The following KIRREL3 variants were observed in gnomAD, a reference collection of about 807,000 sequenced individuals.
The protein encoded by KIRREL3 is kirre like nephrin family adhesion molecule 3.
A neutral mutation model predicts 89.7 loss-of-function variants in KIRREL3; 36 were observed. The observed-to-expected ratio is 0.40, with a 90% CI of 0.31 to 0.53. The LOEUF is 0.53. Ranked by LOEUF, KIRREL3 falls within the 20% of genes least tolerant of loss-of-function variation. The pLI is 0.49. For synonymous variants in KIRREL3, 445 were observed against 441.4 expected, an observed-to-expected ratio of 1.01 and a Z score of -0.10; for missense variants, 864 against 1,056.6, an observed-to-expected ratio of 0.82 and a Z score of 2.53.
At chr11:126,919,387 T>C (rs1365921490) in intron 1 of KIRREL3, among the ~76,000 whole-genome samples, 1 of 152,218 alleles carries the variant, frequency 6.6e-6, no homozygotes, top group African/African-American at 2.4e-5. Flanking sequence ...TAAAGTAGCA[T>C]GGTTGGCTCA....
At chr11:126,602,129 C>T (rs571931037) in intron 1 of KIRREL3, among the ~76,000 whole-genome samples, 96 of 152,274 alleles carry the variant, frequency 6.3e-4, no homozygotes, top group Non-Finnish European at 5.1e-4. Context: ...TCCCCAGGAG[C>T]GGTGGCAAAG....
At chr11:126,784,191 T>A (rs1441729427) in intron 1 of KIRREL3, among the ~76,000 whole-genome samples, 1 of 152,186 alleles carries the variant, frequency 6.6e-6, no homozygotes, top group Non-Finnish European at 1.5e-5. Context: ...GGATATTATG[T>A]AAAAACTAAG....
At chr11:126,493,615 AC>A (rs981156448) in intron 4 of KIRREL3, among the ~76,000 whole-genome samples, 2 of 137,572 alleles carry the variant, frequency 1.5e-5, no homozygotes, top group Non-Finnish European at 3.0e-5. Flanking sequence ...AGATCGCGCC[AC>A]CGCACTCCAG....
intron 1 of KIRREL3, among the ~76,000 whole-genome samples, chr11:126,738,141 T>G (rs1239115843): frequency 6.6e-6 from 1 of 152,142 alleles, no homozygotes; most frequent in African/African-American, 2.4e-5. Context: ...GACCTTCCGA[T>G]ATGCCAGCTG....
At chr11:126,654,496 G>C (rs1323432339) in intron 1 of KIRREL3, among the ~76,000 whole-genome samples, 1 of 152,154 alleles carries the variant, frequency 6.6e-6, no homozygotes, top group Non-Finnish European at 1.5e-5. Flanking sequence ...CTCTAAGAAA[G>C]GGGTTTCCAT....
rs1160107418 is a variant in KIRREL3 at position 126,571,736 on chromosome 11, C to T, written c.56-8824G>A. ...TCATGAATGAGATTCTTTGGACTTCCAGTATAATCCGTTTGTGAGAGGGGT... is the reference window on the plus strand; with the variant it reads ...TCATGAATGAGATTCTTTGGACTTCTAGTATAATCCGTTTGTGAGAGGGGT... On this transcript the variant is annotated intron_variant, in intron 1 of 16. Coordinates refer to ENST00000525144, the MANE Select transcript of KIRREL3 (RefSeq NM_032531.4). This position sits in a 1 kb window ranked among gnomAD's most constrained non-coding sequence, Gnocchi z 7.7. Among the ~76,000 whole-genome samples the T allele has an allele frequency of 6.6e-6, 1 of 151,298 alleles. No homozygotes were observed. The highest frequency in any genetic ancestry group is 1.5e-5 in the Non-Finnish European group (1 of 67,926).
At chr11:126,467,091 C>T (rs1045742941) in intron 5 of KIRREL3, among the ~76,000 whole-genome samples, 8 of 152,250 alleles carry the variant, frequency 5.3e-5, no homozygotes, top group African/African-American at 1.7e-4. Context: ...CGGGAACGAG[C>T]GTGCCAGGGC....
At chr11:126,932,514 T>C (rs779208969) in intron 1 of KIRREL3, among the ~76,000 whole-genome samples, 4 of 152,114 alleles carry the variant, frequency 2.6e-5, no homozygotes, top group Non-Finnish European at 5.9e-5. Context: ...TCAACATTAG[T>C]ATCGTTATGA....
chr11:126,738,096 C>T (rs889290852), intron 1 of KIRREL3, among the ~76,000 whole-genome samples: 2 of 152,092 alleles, frequency 1.3e-5, no homozygotes, highest in African/African-American at 4.8e-5. Context: ...GAATGTTGGC[C>T]AGGGCAGGAG....
intron 1 of KIRREL3, among the ~76,000 whole-genome samples, chr11:126,767,724 A>G (rs1214166465): frequency 2.6e-5 from 4 of 152,212 alleles, no homozygotes; most frequent in East Asian, 3.9e-4. Flanking sequence ...GAATGTACGT[A>G]TGTTCAGCCT....
At chr11:126,853,658 GT>G (rs779949602) in intron 1 of KIRREL3, among the ~76,000 whole-genome samples, 1 of 151,854 alleles carries the variant, frequency 6.6e-6, no homozygotes, top group Non-Finnish European at 1.5e-5. Flanking sequence ...CTCTCTCCAA[GT>G]TTTTGACACC....
At chr11:126,473,197 A>T in intron 5 of KIRREL3, 112 bp downstream of exon 5, 3 of 391,696 alleles carry the variant, frequency 7.7e-6, no homozygotes, top group African/African-American at 5.4e-5. Flanking sequence ...CCGCTCCTTT[A>T]GCCCCCTCCT....
At chr11:126,478,164 T>C (rs894376302) in intron 4 of KIRREL3, among the ~76,000 whole-genome samples, 2 of 151,970 alleles carry the variant, frequency 1.3e-5, no homozygotes, top group Admixed American at 1.3e-4. Flanking sequence ...GGGCTTGCCC[T>C]GCTCCTCTCT....
chr11:126,975,904 C>G (rs1224763726), intron 1 of KIRREL3, among the ~76,000 whole-genome samples: 5 of 93,998 alleles, frequency 5.3e-5, no homozygotes, highest in Non-Finnish European at 1.1e-4. Context: ...CCCTCCCTCC[C>G]TTCCTCCCTC....
chr11:126,936,632 A>G (rs1565439171), intron 1 of KIRREL3: 2 of 152,168 alleles, frequency 1.3e-5, no homozygotes, highest in African/African-American at 4.8e-5. Context: ...TCAAAACCAT[A>G]CTAAGTGAAA....
At chr11:126,968,281 A>G (rs1308710124) in intron 1 of KIRREL3, among the ~76,000 whole-genome samples, 2 of 152,166 alleles carry the variant, frequency 1.3e-5, no homozygotes, top group Non-Finnish European at 2.9e-5. Flanking sequence ...CAGCTTGCAT[A>G]TTACAGGACA....
intron 1 of KIRREL3, among the ~76,000 whole-genome samples, chr11:126,853,974 G>T (rs978912162): frequency 1.3e-5 from 2 of 152,090 alleles, no homozygotes; most frequent in African/African-American, 4.8e-5. Context: ...GCATCAACAA[G>T]TAGTGCACAT....
Position 126,923,197 on chromosome 11 carries a change from T to TCTTCTA in KIRREL3, c.55+77257_55+77258insTAGAAG, listed in dbSNP as rs1565423254. Among the ~76,000 whole-genome samples, 9 of 8,826 alleles carry TCTTCTA rather than the reference T, an allele frequency of 1.0e-3. 1 individual carries two copies. The highest frequency in any genetic ancestry group is 2.7e-3 in the African/African-American group (2 of 730). 5.8% of individuals were successfully genotyped at this position (8,826 alleles called of 152,430 possible). On this transcript the variant is annotated intron_variant, in intron 1 of 16. Transcript: ENST00000525144. ...TCTTCTCTTCTTCTTCTCTTCTTCT[T>TCTTCTA]CTTCTTCTTCTTCTTCTTCTTCTTC... is the stretch of plus-strand genomic sequence containing the variant.
rs1394456847 is a variant in KIRREL3 at position 126,579,713 on chromosome 11, C to T, written c.56-16801G>A. Among the ~76,000 whole-genome samples the T allele has an allele frequency of 5.3e-5, 8 of 152,124 alleles. No homozygotes were observed. Among genetic ancestry groups the T allele is most frequent in the Non-Finnish European group, 1.0e-4 (7 of 68,042 alleles). ...GGATCTGGACAATGCTTCCAGGTTACCACTGCTGGTAAGCAATGTGCCCAA... is the reference window on the plus strand; with the variant it reads ...GGATCTGGACAATGCTTCCAGGTTATCACTGCTGGTAAGCAATGTGCCCAA... On this transcript the variant is annotated intron_variant, in intron 1 of 16. Coordinates refer to ENST00000525144, the MANE Select transcript of KIRREL3 (RefSeq NM_032531.4). This position sits in a 1 kb window ranked among gnomAD's most constrained non-coding sequence, Gnocchi z 5.3.
Sources: allele counts gnomAD v4.1 joint callset (sites outside exome capture counted in the v4.1 genomes callset), GRCh38; gene constraint gnomAD v4.1.1; non-coding constraint Gnocchi (gnomAD v3.1); transcripts MANE v1.5; gene names NCBI Gene and HGNC (gene_info 2026-07-23, HGNC 2026-07-21).